Variants in TAB2 observed in about 807,000 individuals in gnomAD.
TAB2 encodes the protein TGF-beta-activated kinase 1 and MAP3K7-binding protein 2.
A neutral mutation model predicts 65.0 loss-of-function variants in TAB2; 3 were observed. That is an observed-to-expected ratio of 0.05 (90% CI 0.02 to 0.12). TAB2 has a LOEUF of 0.12. TAB2 is among the 10% of genes least tolerant of loss of function. The pLI is 1.00. For missense variants in TAB2, 623 were observed against 840.3 expected, an observed-to-expected ratio of 0.74 and a Z score of 3.20; for synonymous variants, 298 against 285.1, an observed-to-expected ratio of 1.05 and a Z score of -0.46.
At chr6:149,338,468 AGT>A in intron 1 of TAB2, among the ~76,000 whole-genome samples, 1 of 152,336 alleles carries the variant, frequency 6.6e-6, no homozygotes, top group Admixed American at 6.5e-5. Context: ...AAGAGAGAAG[AGT>A]TAAGGTAACT....
At chr6:149,268,845 T>A (rs544392701) in intron 1 of TAB2, among the ~76,000 whole-genome samples, 39 of 152,326 alleles carry the variant, frequency 2.6e-4, no homozygotes, top group African/African-American at 8.2e-4. Context: ...TTATAAAACA[T>A]ACACACAGTA....
chr6:149,258,923 A>T (rs931788773), intron 1 of TAB2, among the ~76,000 whole-genome samples: 2 of 152,186 alleles, frequency 1.3e-5, no homozygotes, highest in Non-Finnish European at 2.9e-5. Flanking sequence ...GAGTTATGGG[A>T]TGTGAATAAG....
chr6:149,351,532 A>G (rs1323397857), intron 1 of TAB2, among the ~76,000 whole-genome samples: 1 of 152,172 alleles, frequency 6.6e-6, no homozygotes, highest in Non-Finnish European at 1.5e-5. Context: ...GATAGTATTG[A>G]TATTTTATTT....
At chr6:149,243,492 C>T (rs1386516903) in intron 1 of TAB2, 1 of 152,160 alleles carries the variant, frequency 6.6e-6, no homozygotes, top group African/African-American at 2.4e-5. Context: ...TTTCTGTGTG[C>T]AAAGAAATGG....
chr6:149,381,645 C>CTCACTTCA (rs948099417), intron 3 of TAB2, among the ~76,000 whole-genome samples: 3 of 145,634 alleles, frequency 2.1e-5, no homozygotes, highest in Non-Finnish European at 4.5e-5. Flanking sequence ...ATGTTCACAG[C>CTCACTTCA]TCACTTCAGC....
chr6:149,226,554 C>T (rs954943705), intron 1 of TAB2, among the ~76,000 whole-genome samples: 1 of 152,204 alleles, frequency 6.6e-6, no homozygotes, highest in Non-Finnish European at 1.5e-5. Context: ...CTTCCTTTCC[C>T]TGGTAAAAAC....
chr6:149,225,761 G>A (rs1777259525), intron 1 of TAB2, among the ~76,000 whole-genome samples: 1 of 152,100 alleles, frequency 6.6e-6, no homozygotes, highest in Middle Eastern at 3.2e-3. Flanking sequence ...TCTTCCTGCT[G>A]GAGGCTGTGA....
At chr6:149,326,988 G>C (rs1462997574) in intron 1 of TAB2, among the ~76,000 whole-genome samples, 1 of 152,086 alleles carries the variant, frequency 6.6e-6, no homozygotes, top group Non-Finnish European at 1.5e-5. Flanking sequence ...AATTAATTTT[G>C]CTTTTTTGTA....
intron 1 of TAB2, among the ~76,000 whole-genome samples, chr6:149,319,876 G>C (rs1448453076): frequency 1.3e-5 from 2 of 152,044 alleles, no homozygotes; most frequent in Admixed American, 1.3e-4. Context: ...ATAGTAGAAC[G>C]TGTGCTTTAG....
intron 2 of TAB2, 144 bp downstream of exon 2, chr6:149,370,243 G>A: frequency 2.5e-6 from 2 of 788,438 alleles, no homozygotes; most frequent in Non-Finnish European, 4.3e-6. Context: ...TGATAGTCAT[G>A]TGGCCTTTGG....
intron 1 of TAB2, among the ~76,000 whole-genome samples, chr6:149,262,303 C>T (rs764049556): frequency 3.3e-5 from 5 of 152,142 alleles, no homozygotes; most frequent in South Asian, 2.1e-4. Flanking sequence ...GAGGCCCTGG[C>T]GGGAGGATCA....
intron 1 of TAB2, chr6:149,244,051 C>T (rs1777651678): frequency 1.3e-5 from 2 of 152,162 alleles, no homozygotes; most frequent in Admixed American, 6.5e-5. Context: ...CAAAGAAGCA[C>T]ATAACTTCAG....
At chr6:149,372,025 G>A (rs1781243591) in intron 2 of TAB2, among the ~76,000 whole-genome samples, 1 of 152,224 alleles carries the variant, frequency 6.6e-6, no homozygotes, top group East Asian at 1.9e-4. Context: ...AAAACTAACA[G>A]AAAGATACTG....
intron 1 of TAB2, among the ~76,000 whole-genome samples, chr6:149,305,599 A>G (rs930807152): frequency 1.4e-5 from 2 of 147,644 alleles, no homozygotes; most frequent in African/African-American, 5.0e-5. Flanking sequence ...TAGTTCAAAG[A>G]AAAAAAAAAA....
intron 1 of TAB2, among the ~76,000 whole-genome samples, chr6:149,350,183 C>T (rs1780443998): frequency 6.6e-6 from 1 of 152,104 alleles, no homozygotes; most frequent in Non-Finnish European, 1.5e-5. Context: ...CCACCCACCT[C>T]AGCCTCCCAA....
intron 1 of TAB2, among the ~76,000 whole-genome samples, chr6:149,295,130 A>G (rs539917783): frequency 9.2e-5 from 14 of 152,262 alleles, no homozygotes; most frequent in African/African-American, 2.9e-4. Context: ...GACACCTAAA[A>G]CAGGGTCAAG....
chr6:149,266,199 C>G (rs986065279), intron 1 of TAB2, among the ~76,000 whole-genome samples: 2 of 152,144 alleles, frequency 1.3e-5, no homozygotes, highest in Non-Finnish European at 2.9e-5. Flanking sequence ...ATGTGTGAAC[C>G]GTACAAGGAC....
intron 1 of TAB2, among the ~76,000 whole-genome samples, chr6:149,309,034 G>A (rs1407541668): frequency 6.6e-6 from 1 of 151,952 alleles, no homozygotes; most frequent in East Asian, 1.9e-4. Flanking sequence ...AAAAATATAT[G>A]GAATGACTGA....
At chr6:149,320,745 G>T (rs1562414016) in intron 1 of TAB2, among the ~76,000 whole-genome samples, 1 of 151,918 alleles carries the variant, frequency 6.6e-6, no homozygotes, top group Non-Finnish European at 1.5e-5. Flanking sequence ...TTTTTGCCTT[G>T]TTATAGATAT....
Sources: allele counts gnomAD v4.1 joint callset (sites outside exome capture counted in the v4.1 genomes callset), GRCh38; gene constraint gnomAD v4.1.1; transcripts MANE v1.5; gene names NCBI Gene and HGNC (gene_info 2026-07-23, HGNC 2026-07-21).